KIRREL3: variants seen among roughly 807,000 people sequenced by gnomAD.
The protein encoded by KIRREL3 is kin of IRRE-like protein 3.
In KIRREL3, 36 loss-of-function variants were observed where a neutral mutation model predicts 89.7. That is an observed-to-expected ratio of 0.40 (90% CI 0.31 to 0.53). KIRREL3 has a LOEUF of 0.53. KIRREL3 is among the 20% of genes least tolerant of loss of function. The probability of loss-of-function intolerance (pLI) is 0.49; values close to 1 mark genes in which losing one functional copy is unlikely to be tolerated. For synonymous variants in KIRREL3, 445 were observed against 441.4 expected, an observed-to-expected ratio of 1.01 and a Z score of -0.10; for missense variants, 864 against 1,056.6, an observed-to-expected ratio of 0.82 and a Z score of 2.53.
In KIRREL3 at chr11:126,780,212, TA is replaced by T. The variant is rs1950287201; in HGVS notation, c.56-217301del. 6.6e-6 allele frequency among the ~76,000 whole-genome samples: 1 copy of T among 151,696 alleles called. No homozygotes were observed. Among genetic ancestry groups the T allele is most frequent in the Non-Finnish European group, 1.5e-5 (1 of 67,936 alleles). On this transcript the variant is annotated intron_variant, in intron 1 of 16. Coordinates refer to ENST00000525144, the MANE Select transcript of KIRREL3 (RefSeq NM_032531.4). The surrounding 1 kb of genome is among the most constrained non-coding windows in gnomAD (Gnocchi z 5.3). ...GGAAAAGACTGCAGAAGGAAGAAGA[TA>T]AGGAAGCAACAGAAACCCCAGCTAG...
chr11:126,458,426 C>G (rs1488042397), intron 6 of KIRREL3, among the ~76,000 whole-genome samples: 2 of 151,486 alleles, frequency 1.3e-5, no homozygotes, highest in African/African-American at 4.9e-5. Flanking sequence ...CAGTCATGCA[C>G]TCAGCCTCTA....
At chr11:126,774,879 T>C (rs186295619) in intron 1 of KIRREL3, among the ~76,000 whole-genome samples, 13 of 152,276 alleles carry the variant, frequency 8.5e-5, no homozygotes, top group Non-Finnish European at 1.6e-4. Flanking sequence ...AAGCTTCTAT[T>C]TTTAAAGTTG....
chr11:126,760,221 G>A (rs1023922855), intron 1 of KIRREL3, among the ~76,000 whole-genome samples: 6 of 152,142 alleles, frequency 3.9e-5, no homozygotes, highest in African/African-American at 7.2e-5. Flanking sequence ...CAGGAATTTC[G>A]AGAGGCTGCA....
At chr11:126,950,923 T>C (rs1206400023) in intron 1 of KIRREL3, among the ~76,000 whole-genome samples, 2 of 152,232 alleles carry the variant, frequency 1.3e-5, no homozygotes, top group Non-Finnish European at 2.9e-5. Context: ...AGAGAGATTA[T>C]TTCTGCCCCA....
Position 126,867,500 on chromosome 11 carries a change from C to G in KIRREL3, c.55+132955G>C, listed in dbSNP as rs1199946247. The stretch of plus-strand genomic sequence containing the variant: ...TTACTCTTTCTGTAACTCAGCCAGC[C>G]CTTTCTGATAAGTCACTTCCCCAAA... On this transcript the variant is annotated intron_variant, in intron 1 of 16. Transcript: ENST00000525144. This position sits in a 1 kb window ranked among gnomAD's most constrained non-coding sequence, Gnocchi z 4.7. Among the ~76,000 whole-genome samples the G allele has an allele frequency of 6.6e-6, 1 of 152,224 alleles. No homozygotes were observed. Among genetic ancestry groups the G allele is most frequent in the East Asian group, 1.9e-4 (1 of 5,206 alleles).
chr11:126,794,865 A>G (rs1223880852), intron 1 of KIRREL3, among the ~76,000 whole-genome samples: 1 of 152,266 alleles, frequency 6.6e-6, no homozygotes, highest in Non-Finnish European at 1.5e-5. Flanking sequence ...TCACTGGGTG[A>G]ATGGATAAAC....
intron 1 of KIRREL3, among the ~76,000 whole-genome samples, chr11:126,592,274 A>G (rs951081620): frequency 6.6e-6 from 1 of 152,202 alleles, no homozygotes; most frequent in Non-Finnish European, 1.5e-5. Flanking sequence ...TGTTCCCTTT[A>G]TATGGATGAG....
In KIRREL3 at chr11:126,515,350, T is replaced by A. The variant is rs1002264; in HGVS notation, c.433+5965A>T. Among the ~76,000 whole-genome samples, 1 of 152,000 alleles carries A rather than the reference T, an allele frequency of 6.6e-6. No individual in the cohort carries two copies. Among genetic ancestry groups the A allele is most frequent in the African/African-American group, 2.4e-5 (1 of 41,346 alleles). On this transcript the variant is annotated intron_variant, in intron 4 of 16. Coordinates refer to ENST00000525144, the MANE Select transcript of KIRREL3 (RefSeq NM_032531.4). This position sits in a 1 kb window ranked among gnomAD's most constrained non-coding sequence, Gnocchi z 4.2. The stretch of plus-strand genomic sequence containing the variant: ...CTGTGGTCTCAGCTACTCGGGAGGC[T>A]GAGGTGGGAGGATCGCTTGAGCCAG...
In KIRREL3 at chr11:126,491,313, G is replaced by C. The variant is rs530712214; in HGVS notation, c.434-17847C>G. Among the ~76,000 whole-genome samples the C allele has an allele frequency of 1.3e-5, 2 of 152,366 alleles. No homozygotes were observed. The highest frequency in any genetic ancestry group is 3.9e-4 in the East Asian group (2 of 5,182). Reference sequence around the variant, plus strand: ...TCCGAATGTAATGTGAGCCCAAGGAGGGCGGGCGCGTGCTGGCTCTGAGCG... The same window carrying C: ...TCCGAATGTAATGTGAGCCCAAGGACGGCGGGCGCGTGCTGGCTCTGAGCG... On this transcript the variant is annotated intron_variant, in intron 4 of 16. Coordinates refer to ENST00000525144, the MANE Select transcript of KIRREL3 (RefSeq NM_032531.4). The surrounding 1 kb of genome is among the most constrained non-coding windows in gnomAD (Gnocchi z 5.5).
chr11:126,755,642 C>T lies in KIRREL3; in HGVS notation c.56-192730G>A, dbSNP rs1315326149. Among the ~76,000 whole-genome samples the T allele has an allele frequency of 6.6e-6, 1 of 152,176 alleles. No homozygotes were observed. Among genetic ancestry groups the T allele is most frequent in the Non-Finnish European group, 1.5e-5 (1 of 68,036 alleles). On this transcript the variant is annotated intron_variant, in intron 1 of 16. Coordinates refer to ENST00000525144, the MANE Select transcript of KIRREL3 (RefSeq NM_032531.4). This position sits in a 1 kb window ranked among gnomAD's most constrained non-coding sequence, Gnocchi z 4.3. The stretch of plus-strand genomic sequence containing the variant: ...CTCTCAACTTCCCTGAGTGCCTGTA[C>T]ACCCCCGCCCCCAATTCTTGTTGCC...
rs1221004038 is a variant in KIRREL3, at chr11:126,763,955, T to C, written c.56-201043A>G. 6.6e-6 allele frequency among the ~76,000 whole-genome samples: 1 copy of C among 152,136 alleles called. No individual in the cohort carries two copies. The highest frequency in any genetic ancestry group is 2.4e-5 in the African/African-American group (1 of 41,432). On this transcript the variant is annotated intron_variant, in intron 1 of 16. Transcript: ENST00000525144. The surrounding 1 kb of genome is among the most constrained non-coding windows in gnomAD (Gnocchi z 4.7). ...TTCCTCTCTTTTCCTGTATCTTTTT[T>C]CCCCCACAACTCTGCATTCCCCTCC...
In KIRREL3 at chr11:126,564,290, G is replaced by T. The variant is rs569896246; in HGVS notation, c.56-1378C>A. Among the ~76,000 whole-genome samples the T allele has an allele frequency of 6.6e-6, 1 of 152,118 alleles. No individual in the cohort carries two copies. Among genetic ancestry groups the T allele is most frequent in the Non-Finnish European group, 1.5e-5 (1 of 68,038 alleles). ...TCCTCTTTCTCCTCTTCCATCCACC[G>T]TCTGCAGCCCAGGTCCACCCACCAA... On this transcript the variant is annotated intron_variant, in intron 1 of 16. Transcript: ENST00000525144. This position sits in a 1 kb window ranked among gnomAD's most constrained non-coding sequence, Gnocchi z 7.4.
chr11:126,860,354 G>T lies in KIRREL3; in HGVS notation c.55+140101C>A, dbSNP rs1483216274. Among the ~76,000 whole-genome samples, 2 of 152,260 alleles carry T rather than the reference G, an allele frequency of 1.3e-5. No homozygotes were observed. Among genetic ancestry groups the T allele is most frequent in the Non-Finnish European group, 1.5e-5 (1 of 68,012 alleles). The stretch of plus-strand genomic sequence containing the variant: ...CAATGGGTCTGGGAGCACAGAGAAG[G>T]TTGCCTTTATTTATGTTTCAGGCAG... On this transcript the variant is annotated intron_variant, in intron 1 of 16. Transcript: ENST00000525144. This position sits in a 1 kb window ranked among gnomAD's most constrained non-coding sequence, Gnocchi z 4.6.
At chr11:126,437,687 C>G (rs574734188) in intron 11 of KIRREL3, among the ~76,000 whole-genome samples, 1 of 152,268 alleles carries the variant, frequency 6.6e-6, no homozygotes, top group South Asian at 2.1e-4. Context: ...GACACCACAT[C>G]TACACGCAAC....
At chr11:126,617,029 A>G (rs986454208) in intron 1 of KIRREL3, among the ~76,000 whole-genome samples, 3 of 152,236 alleles carry the variant, frequency 2.0e-5, no homozygotes, top group Non-Finnish European at 4.4e-5. Context: ...TTACCACATC[A>G]TGTGATCTTC....
chr11:126,869,901 A>T (rs981091277), intron 1 of KIRREL3, among the ~76,000 whole-genome samples: 1 of 152,322 alleles, frequency 6.6e-6, no homozygotes, highest in African/African-American at 2.4e-5. Flanking sequence ...AAGTGATGAA[A>T]TTCAGTTCCC....
At chr11:126,450,946 T>C (rs1236747606) in intron 7 of KIRREL3, among the ~76,000 whole-genome samples, 1 of 151,104 alleles carries the variant, frequency 6.6e-6, no homozygotes, top group Non-Finnish European at 1.5e-5. Context: ...TGTGGGCGTG[T>C]GTGCATGTGT....
In KIRREL3 at chr11:126,912,380, C is replaced by T. The variant is rs546825745; in HGVS notation, c.55+88075G>A. On this transcript the variant is annotated intron_variant, in intron 1 of 16. Coordinates refer to ENST00000525144, the MANE Select transcript of KIRREL3 (RefSeq NM_032531.4). The surrounding 1 kb of genome is among the most constrained non-coding windows in gnomAD (Gnocchi z 4.7). ...TCACCTCCCTGGGCCATGTCTCTCA[C>T]CTTTTGTGGTAATTCTTCACTTCTC... Among the ~76,000 whole-genome samples, 3 of 152,236 alleles carry T rather than the reference C, an allele frequency of 2.0e-5. No homozygotes were observed. The highest frequency in any genetic ancestry group is 4.2e-4 in the South Asian group (2 of 4,818).
At chr11:126,762,286 C>G (rs1048122517) in intron 1 of KIRREL3, among the ~76,000 whole-genome samples, 1 of 152,166 alleles carries the variant, frequency 6.6e-6, no homozygotes, top group Non-Finnish European at 1.5e-5. Context: ...GAGTGCTGTT[C>G]TGAGGCAAGA....
Sources: allele counts gnomAD v4.1 joint callset (sites outside exome capture counted in the v4.1 genomes callset), GRCh38; gene constraint gnomAD v4.1.1; non-coding constraint Gnocchi (gnomAD v3.1); transcripts MANE v1.5; gene names NCBI Gene and HGNC (gene_info 2026-07-23, HGNC 2026-07-21).